Variants in UNC5B observed in about 807,000 individuals in gnomAD.
UNC5B encodes the protein netrin receptor UNC5B.
In UNC5B, 56 loss-of-function variants were observed where a neutral mutation model predicts 103.7. That is an observed-to-expected ratio of 0.54 (90% CI 0.44 to 0.67). The LOEUF (loss-of-function observed/expected upper bound fraction) is 0.67. Ranked by LOEUF, UNC5B falls within the 30% of genes least tolerant of loss-of-function variation. The pLI, the probability that UNC5B is intolerant of heterozygous loss-of-function variation, is 0.00. For synonymous variants in UNC5B, 577 were observed against 542.0 expected (o/e 1.06, Z -0.90); for missense variants, 1,194 against 1,284.5 (o/e 0.93, Z 1.08).
At chr10:71,242,745 G>T (rs1843933531) in intron 1 of UNC5B, among the ~76,000 whole-genome samples, 1 of 152,224 alleles carries the variant, frequency 6.6e-6, no homozygotes, top group Non-Finnish European at 1.5e-5. Context: ...CTGGGCTCTT[G>T]GTCGGCGGCC....
chr10:71,263,929 C>G (rs972543709), intron 1 of UNC5B, among the ~76,000 whole-genome samples: 3 of 152,144 alleles, frequency 2.0e-5, no homozygotes, highest in African/African-American at 7.2e-5. Flanking sequence ...TCTGGTTGCC[C>G]CATTTGAGAC....
chr10:71,229,442 A>G (rs1843638263), intron 1 of UNC5B, among the ~76,000 whole-genome samples: 1 of 152,192 alleles, frequency 6.6e-6, no homozygotes, highest in South Asian at 2.1e-4. Flanking sequence ...CACCCTTGAC[A>G]GTGTCCTCCT....
At position 71,300,212 on chromosome 10, in the gene UNC5B, G is replaced by C. The variant is rs1845556972; in HGVS notation, c.*935G>C. 6.6e-6 allele frequency: 1 copy of C among 152,328 alleles called. No homozygotes were observed. Among genetic ancestry groups the C allele is most frequent in the East Asian group, 1.9e-4 (1 of 5,186 alleles). 9.4% of individuals were successfully genotyped at this position (152,328 alleles called of 1,614,324 possible). ...ACAGGGTTTTCACTGTCTAGATTTAGCTGGTTAGATTTTCCTCTAAAATCT... is the reference window on the plus strand; with the variant it reads ...ACAGGGTTTTCACTGTCTAGATTTACCTGGTTAGATTTTCCTCTAAAATCT... On this transcript the variant is annotated 3_prime_UTR_variant, in exon 17 of 17. Transcript: ENST00000335350.
chr10:71,254,477 T>C (rs1050257069), intron 1 of UNC5B, among the ~76,000 whole-genome samples: 2 of 152,296 alleles, frequency 1.3e-5, no homozygotes, highest in Admixed American at 6.5e-5. Context: ...CACACGACAG[T>C]GTGGGCCTGG....
At chr10:71,258,195 C>A (rs1429023642) in intron 1 of UNC5B, among the ~76,000 whole-genome samples, 2 of 152,192 alleles carry the variant, frequency 1.3e-5, no homozygotes, top group Non-Finnish European at 2.9e-5. Context: ...CTCTATCCTG[C>A]GGATGTTGGG....
At chr10:71,239,689 G>A (rs1484491107) in intron 1 of UNC5B, among the ~76,000 whole-genome samples, 4 of 152,164 alleles carry the variant, frequency 2.6e-5, no homozygotes, top group African/African-American at 7.2e-5. Context: ...GCATCCACGG[G>A]GGCGGGCAGT....
At position 71,285,421 on chromosome 10, in the gene UNC5B, G is replaced by A; in HGVS notation, c.544G>A (p.Val182Met). ...LQCRPPEGVP[V>M]AEVEWLKNED... ...GTGCCGCCCGCCGGAGGGGGTGCCT[G>A]TGGCCGAGGTGAGCGGGGACGTAGG... Residue 182 changes from valine (V) to methionine (M), a missense_variant, in exon 4 of 17, where the codon GTG becomes ATG. Val to Met is a conservative substitution (Grantham distance 21, BLOSUM62 1). Coordinates refer to ENST00000335350, the MANE Select transcript of UNC5B (RefSeq NM_170744.5). 1 of 1,597,676 alleles carries A rather than the reference G, an allele frequency of 6.3e-7. No individual in the cohort carries two copies. Among genetic ancestry groups the A allele is most frequent in the South Asian group, 1.1e-5 (1 of 88,430 alleles).
chr10:71,230,644 A>G (rs1843664429), intron 1 of UNC5B, among the ~76,000 whole-genome samples: 1 of 152,192 alleles, frequency 6.6e-6, no homozygotes, highest in Admixed American at 6.5e-5. Flanking sequence ...GATACTCACC[A>G]TGGGTGGACA....
At chr10:71,256,877 A>G (rs543475686) in intron 1 of UNC5B, among the ~76,000 whole-genome samples, 15 of 152,340 alleles carry the variant, frequency 9.8e-5, no homozygotes, top group African/African-American at 3.4e-4. Flanking sequence ...TGAGACAAGA[A>G]CCCTGGGATG....
intron 1 of UNC5B, among the ~76,000 whole-genome samples, chr10:71,276,634 G>A (rs2394789): frequency 0.93 from 141,513 of 152,292 alleles, 65,790 homozygotes; most frequent in Middle Eastern, 0.98. Flanking sequence ...GGGTTCCACC[G>A]CGATGGCCTG....
chr10:71,295,729 C>A lies in UNC5B; in HGVS notation c.2176-82C>A, dbSNP rs368468746. The A allele has an allele frequency of 7.7e-5, 117 of 1,521,644 alleles. 1 individual carries two copies. The South Asian group carries it at 1.2e-3, about 16-fold the overall frequency. 94.3% of individuals were successfully genotyped at this position (1,521,644 alleles called of 1,614,324 possible). A position where few individuals can be genotyped will look rare whatever the true frequency, so the allele number is the denominator to read the frequency against. On this transcript the variant is annotated intron_variant, in intron 13 of 16. Coordinates refer to ENST00000335350, the MANE Select transcript of UNC5B (RefSeq NM_170744.5). ...AGCCATGCACTCAGATGGGCCCCTG[C>A]CCCCTGCCCCGCACAGTGCCACAGA...
At chr10:71,272,030 A>G (rs10740373) in intron 1 of UNC5B, among the ~76,000 whole-genome samples, 121,018 of 152,076 alleles carry the variant, frequency 0.8, 48,703 homozygotes, top group Non-Finnish European at 0.86. Flanking sequence ...ATGGAGGAAG[A>G]GCTTTGTGTC....
chr10:71,253,137 C>G (rs1198639462), intron 1 of UNC5B, among the ~76,000 whole-genome samples: 2 of 152,230 alleles, frequency 1.3e-5, no homozygotes, highest in African/African-American at 4.8e-5. Flanking sequence ...CCTGTGGACT[C>G]TGGGTCTGCA....
At chr10:71,232,865 A>C (rs749017808) in intron 1 of UNC5B, among the ~76,000 whole-genome samples, 1 of 152,192 alleles carries the variant, frequency 6.6e-6, no homozygotes, top group Admixed American at 6.5e-5. Flanking sequence ...GTTCTCATGC[A>C]GTCCTCCCAA....
At chr10:71,290,452 G>T (rs1845217671) in intron 8 of UNC5B, among the ~76,000 whole-genome samples, 1 of 152,186 alleles carries the variant, frequency 6.6e-6, no homozygotes, top group South Asian at 2.1e-4. Context: ...AATGGAAGAA[G>T]AGTTCAGAAC....
Position 71,257,752 on chromosome 10 carries a change from C to T in UNC5B, c.80-22069C>T, listed in dbSNP as rs75834983. Among the ~76,000 whole-genome samples the T allele has an allele frequency of 2.5e-3, 384 of 152,346 alleles. 2 individuals carry two copies. The highest frequency in any genetic ancestry group is 8.1e-3 in the African/African-American group (336 of 41,560). ...CTGACAAGGAGTGAGGAAACAACCG[C>T]GCCTGTTGTAGGGCAAAGAGGAACC... On this transcript the variant is annotated intron_variant, in intron 1 of 16. Coordinates refer to ENST00000335350, the MANE Select transcript of UNC5B (RefSeq NM_170744.5).
intron 16 of UNC5B, 22 bp downstream of exon 16, chr10:71,298,112 C>G: frequency 6.3e-7 from 1 of 1,575,156 alleles, no homozygotes; most frequent in Non-Finnish European, 8.6e-7. Context: ...AAACCACAGC[C>G]CATCCCCATC....
chr10:71,237,099 G>T (rs536517314), intron 1 of UNC5B, among the ~76,000 whole-genome samples: 2 of 152,166 alleles, frequency 1.3e-5, no homozygotes, highest in Non-Finnish European at 2.9e-5. Flanking sequence ...CTGCCTGGGC[G>T]GAGGGTAGCT....
chr10:71,256,662 C>T (rs1844296882), intron 1 of UNC5B, among the ~76,000 whole-genome samples: 1 of 152,234 alleles, frequency 6.6e-6, no homozygotes, highest in African/African-American at 2.4e-5. Flanking sequence ...CTCCAGGGCC[C>T]CCAGAAGGGA....
Sources: gnomAD v4.1 joint callset for allele counts (sites outside exome capture counted in the v4.1 genomes callset) on GRCh38, gnomAD v4.1.1 for gene constraint, MANE v1.5 for transcripts, NCBI Gene and HGNC (gene_info 2026-07-23, HGNC 2026-07-21) for gene names.